The following SMARCA2 variants were observed in gnomAD, a reference collection of about 807,000 sequenced individuals.
SMARCA2 encodes the protein SWI/SNF-related matrix-associated actin-dependent regulator of chromatin subfamily A member 2.
In SMARCA2, 61 loss-of-function variants were observed where a neutral mutation model predicts 199.8. The ratio of observed to expected loss-of-function variants is 0.31; its 90% CI spans 0.25 to 0.38. The LOEUF (loss-of-function observed/expected upper bound fraction) is 0.38. SMARCA2 is among the 10% of genes least tolerant of loss of function. SMARCA2 has a pLI of 1.00. For synonymous variants in SMARCA2, 935 were observed against 732.0 expected, an observed-to-expected ratio of 1.28 and a Z score of -4.48; for missense variants, 1,344 against 2,012.2, an observed-to-expected ratio of 0.67 and a Z score of 6.35.
rs1826185635 is a variant in SMARCA2 at position 2,170,413 on chromosome 9, C to T, written c.4200-6C>T. The stretch of plus-strand genomic sequence containing the variant: ...TGACTCTAGTGTTCTTTCTACTCTA[C>T]CGCAGGTGTAACGTGGAGAAGGTGC... On this transcript the variant is annotated splice_polypyrimidine_tract_variant and splice_region_variant and intron_variant, in intron 28 of 33. Transcript: ENST00000349721. The surrounding 1 kb of genome is among the most constrained non-coding windows in gnomAD (Gnocchi z 4.7). The T allele has an allele frequency of 1.2e-6, 2 of 1,613,972 alleles. No homozygotes were observed. The highest frequency in any genetic ancestry group is 3.3e-5 in the Admixed American group (2 of 59,986).
In SMARCA2 at chr9:2,034,221, C is replaced by T. The variant is rs186392655; in HGVS notation, c.355+1140C>T. Among the ~76,000 whole-genome samples the T allele has an allele frequency of 1.1e-4, 14 of 127,518 alleles. No homozygotes were observed. The East Asian group carries it at 2.3e-3, about 21-fold the overall frequency. The allele number at this position is 127,518 out of a possible 152,430, so 83.7% of individuals were successfully genotyped here. ...ATCGCACCATTGCTCTCTAGCCTGG[C>T]GACAGAGCAAGACTGCGTCTCAAAA... On this transcript the variant is annotated intron_variant, in intron 3 of 33. Transcript: ENST00000349721.
chr9:2,027,004 A>G (rs1586621190), intron 1 of SMARCA2, among the ~76,000 whole-genome samples: 1 of 152,322 alleles, frequency 6.6e-6, no homozygotes, highest in Middle Eastern at 3.4e-3. Flanking sequence ...TCCCCTGCTT[A>G]TGATCACTCT....
intron 23 of SMARCA2, among the ~76,000 whole-genome samples, chr9:2,108,734 C>G (rs918190042): frequency 6.6e-6 from 1 of 152,040 alleles, no homozygotes; most frequent in East Asian, 1.9e-4. Flanking sequence ...CCATTAGCGT[C>G]GTGAACAGAT....
At chr9:2,019,985 C>G (rs1818530644) in intron 1 of SMARCA2, among the ~76,000 whole-genome samples, 1 of 152,170 alleles carries the variant, frequency 6.6e-6, no homozygotes, top group Admixed American at 6.5e-5. Flanking sequence ...ATACTAAGGA[C>G]TGTTTCCCAG....
At chr9:2,143,014 A>G (rs1435805475) in intron 27 of SMARCA2, among the ~76,000 whole-genome samples, 1 of 152,122 alleles carries the variant, frequency 6.6e-6, no homozygotes, top group Non-Finnish European at 1.5e-5. Flanking sequence ...ATGATAGGAG[A>G]TTCGGACATA....
intron 27 of SMARCA2, chr9:2,157,860 G>T: frequency 2.5e-6 from 1 of 398,510 alleles, no homozygotes; most frequent in South Asian, 1.3e-4. Flanking sequence ...TGACTTTCTG[G>T]ACCTGCCGTC....
intron 14 of SMARCA2, among the ~76,000 whole-genome samples, chr9:2,079,326 G>A (rs1474901130): frequency 6.6e-6 from 1 of 152,196 alleles, no homozygotes; most frequent in African/African-American, 2.4e-5. Context: ...TTAACATCCT[G>A]TAAGACTAGC....
rs376393382 is a variant in SMARCA2, at chr9:2,039,913, G to A, written c.790+13G>A. 8.6e-5 allele frequency: 138 copies of A among 1,611,928 alleles called. No individual in the cohort carries two copies. Among genetic ancestry groups the A allele is most frequent in the Middle Eastern group, 1.6e-4 (1 of 6,068 alleles). On this transcript the variant is annotated intron_variant, in intron 4 of 33. Coordinates refer to ENST00000349721, the MANE Select transcript of SMARCA2 (RefSeq NM_003070.5). This position sits in a 1 kb window ranked among gnomAD's most constrained non-coding sequence, Gnocchi z 4.8. ...AACAGACCATCTGGTAGGTTAATAC[G>A]CAACCAAATGAATAATGCCATGGTC...
At chr9:2,041,122 A>C (rs1055108809) in intron 4 of SMARCA2, 1 of 374,740 alleles carries the variant, frequency 2.7e-6, no homozygotes, top group Non-Finnish European at 4.7e-6. Flanking sequence ...GAGAGTTCAG[A>C]TTAGTATTTT....
At position 2,119,252 on chromosome 9, in the gene SMARCA2, G is replaced by T. The variant is rs577455499; in HGVS notation, c.3685-206G>T. 2.1e-3 allele frequency among the ~76,000 whole-genome samples: 318 copies of T among 152,318 alleles called. 2 individuals are homozygous for T. Among genetic ancestry groups the T allele is most frequent in the African/African-American group, 7.2e-3 (300 of 41,574 alleles). ...CTCATATTTCTTATAGTGGACCACA[G>T]TTTCCTCCCTGAACGGATTTTGCTC... On this transcript the variant is annotated intron_variant, in intron 25 of 33. Transcript: ENST00000349721. This position sits in a 1 kb window ranked among gnomAD's most constrained non-coding sequence, Gnocchi z 4.6.
intron 27 of SMARCA2, among the ~76,000 whole-genome samples, chr9:2,154,538 C>T (rs1825242433): frequency 6.6e-6 from 1 of 152,100 alleles, no homozygotes; most frequent in South Asian, 2.1e-4. Flanking sequence ...TGTTCTTAAC[C>T]ACGATGGGTG....
chr9:2,043,852 C>G (rs148160967), intron 4 of SMARCA2: 1 of 152,184 alleles, frequency 6.6e-6, no homozygotes, highest in South Asian at 2.1e-4. Flanking sequence ...GCCAGAGTTT[C>G]TACTTTGTTT....
rs192804874 is a variant in SMARCA2 at position 2,184,897 on chromosome 9, C to A, written c.4462-1199C>A. On this transcript the variant is annotated intron_variant, in intron 31 of 33. Coordinates refer to ENST00000349721, the MANE Select transcript of SMARCA2 (RefSeq NM_003070.5). Reference sequence around the variant, plus strand: ...CTTTGTTCTGTCATACTCATACTCACTGCCTATATTGTTCATTTGGTGCAA... The same window carrying A: ...CTTTGTTCTGTCATACTCATACTCAATGCCTATATTGTTCATTTGGTGCAA... 5.9e-5 allele frequency among the ~76,000 whole-genome samples: 9 copies of A among 152,274 alleles called. No homozygotes were observed. The East Asian group carries it at 1.7e-3, about 29-fold the overall frequency.
chr9:2,078,335 G>GGTGGC (rs1010522746), intron 14 of SMARCA2, among the ~76,000 whole-genome samples: 1 of 152,082 alleles, frequency 6.6e-6, no homozygotes, highest in Non-Finnish European at 1.5e-5. Flanking sequence ...AGCTGGGTGT[G>GGTGGC]GTGGCACATG....
At chr9:2,091,075 G>A (rs1208906644) in intron 19 of SMARCA2, among the ~76,000 whole-genome samples, 1 of 152,164 alleles carries the variant, frequency 6.6e-6, no homozygotes, top group Non-Finnish European at 1.5e-5. Context: ...AGCCATATAG[G>A]AAAGAGGCTT....
At chr9:2,035,428 T>C (rs1819286452) in intron 3 of SMARCA2, among the ~76,000 whole-genome samples, 1 of 152,252 alleles carries the variant, frequency 6.6e-6, no homozygotes. Context: ...TTTCTGCTCC[T>C]GTTGTTGCAG....
chr9:2,092,271 G>C (rs2081737685), intron 19 of SMARCA2, among the ~76,000 whole-genome samples: 1 of 152,144 alleles, frequency 6.6e-6, no homozygotes, highest in South Asian at 2.1e-4. Flanking sequence ...ACTAGAGGTT[G>C]ACCTACCTAA....
chr9:2,182,299 T>C (rs1226377037), intron 31 of SMARCA2, 57 bp downstream of exon 31: 6 of 1,029,788 alleles, frequency 5.8e-6, no homozygotes, highest in Admixed American at 2.1e-5. Flanking sequence ...CGTTGTTCTT[T>C]TTAAGTAGAA....
Position 2,169,423 on chromosome 9 carries a change from T to A in SMARCA2, c.4200-996T>A, listed in dbSNP as rs1325396746. ...GAACCTTCGGATCTTCCCAACTTTT[T>A]TTTTCCAACGCACCCCTCCCAGCTC... On this transcript the variant is annotated intron_variant, in intron 28 of 33. Transcript: ENST00000349721. This position sits in a 1 kb window ranked among gnomAD's most constrained non-coding sequence, Gnocchi z 6.5. 6.6e-6 allele frequency among the ~76,000 whole-genome samples: 1 copy of A among 152,194 alleles called. No homozygotes were observed. Among genetic ancestry groups the A allele is most frequent in the Non-Finnish European group, 1.5e-5 (1 of 68,028 alleles).
Sources: gnomAD v4.1 joint callset for allele counts (sites outside exome capture counted in the v4.1 genomes callset) on GRCh38, gnomAD v4.1.1 for gene constraint, Gnocchi (gnomAD v3.1) non-coding constraint, MANE v1.5 for transcripts, NCBI Gene and HGNC (gene_info 2026-07-23, HGNC 2026-07-21) for gene names.